The following MAST4 variants were observed in gnomAD, a reference collection of about 807,000 sequenced individuals.
MAST4 encodes microtubule-associated serine/threonine-protein kinase 4.
MAST4 carries 89 observed loss-of-function variants against 162.7 expected under a neutral mutation model. The observed-to-expected ratio is 0.55, with a 90% CI of 0.46 to 0.65. The LOEUF (loss-of-function observed/expected upper bound fraction) is 0.65. Ranked by LOEUF, MAST4 falls within the 30% of genes least tolerant of loss-of-function variation. The probability of loss-of-function intolerance (pLI) is 0.00; values close to 1 mark genes in which losing one functional copy is unlikely to be tolerated. For missense variants in MAST4, 3,153 were observed against 3,374.0 expected (o/e 0.93, Z 1.62); for synonymous variants, 1,479 against 1,361.1 (o/e 1.09, Z -1.91).
chr5:66,648,073 TGTGTGTGTGTGAGAGA>T (rs1170419730), intron 1 of MAST4, among the ~76,000 whole-genome samples: 14 of 94,850 alleles, frequency 1.5e-4, no homozygotes, highest in South Asian at 7.9e-4. Context: ...TGTGTGTGTG[TGTGTGTGTGTGAGAGA>T]GAGAGAGAGA....
intron 1 of MAST4, among the ~76,000 whole-genome samples, chr5:66,688,439 C>T (rs1372235965): frequency 6.6e-6 from 1 of 152,138 alleles, no homozygotes; most frequent in South Asian, 2.1e-4. Context: ...ATGAACTGAG[C>T]CTTATTAGGC....
chr5:66,928,011 G>C (rs368867244), intron 4 of MAST4, among the ~76,000 whole-genome samples: 4 of 152,212 alleles, frequency 2.6e-5, no homozygotes, highest in African/African-American at 9.6e-5. Context: ...CTATCCCTGT[G>C]TCAAAATTCC....
intron 1 of MAST4, among the ~76,000 whole-genome samples, chr5:66,650,359 G>T (rs1392714797): frequency 6.6e-6 from 1 of 152,048 alleles, no homozygotes; most frequent in African/African-American, 2.4e-5. Context: ...TGGAAGAAAA[G>T]ATACAGCCTG....
intron 4 of MAST4, among the ~76,000 whole-genome samples, chr5:66,993,480 G>C (rs1000227033): frequency 6.6e-6 from 1 of 152,180 alleles, no homozygotes; most frequent in African/African-American, 2.4e-5. Flanking sequence ...TAAAAAAGAG[G>C]CATGCATATG....
At chr5:66,886,641 C>G (rs1762057421) in intron 3 of MAST4, among the ~76,000 whole-genome samples, 3 of 150,364 alleles carry the variant, frequency 2.0e-5, no homozygotes, top group Middle Eastern at 3.4e-3. Context: ...TGTAAAAACA[C>G]ATACTTCCTG....
intron 12 of MAST4, among the ~76,000 whole-genome samples, chr5:67,117,369 A>G (rs1433997219): frequency 6.6e-6 from 1 of 152,218 alleles, no homozygotes; most frequent in Non-Finnish European, 1.5e-5. Context: ...TCGTTATTCC[A>G]GAATCTAGAA....
intron 2 of MAST4, among the ~76,000 whole-genome samples, chr5:66,771,169 ATTTCTTTCT>A (rs995932026): frequency 1.3e-5 from 2 of 151,262 alleles, no homozygotes; most frequent in African/African-American, 2.4e-5. Flanking sequence ...GTGTAAATAT[ATTTCTTTCT>A]TTTCTTTCTT....
chr5:66,783,631 G>A (rs1667476517), intron 2 of MAST4, among the ~76,000 whole-genome samples: 1 of 152,034 alleles, frequency 6.6e-6, no homozygotes. Flanking sequence ...AGGAATTGAG[G>A]GCACACCTTT....
intron 3 of MAST4, among the ~76,000 whole-genome samples, chr5:66,833,520 A>G (rs138213153): frequency 1.3e-5 from 2 of 152,204 alleles, no homozygotes; most frequent in South Asian, 4.1e-4. Flanking sequence ...GTTTAGCCAC[A>G]GTCTTGCTTT....
intron 4 of MAST4, chr5:67,002,101 C>T (rs1751364145): frequency 6.6e-6 from 1 of 151,922 alleles, no homozygotes; most frequent in African/African-American, 2.4e-5. Context: ...GAGGAGGGGA[C>T]ATGGGACTCA....
At chr5:66,742,169 G>A (rs1247337007) in intron 1 of MAST4, among the ~76,000 whole-genome samples, 1 of 152,172 alleles carries the variant, frequency 6.6e-6, no homozygotes, top group Non-Finnish European at 1.5e-5. Flanking sequence ...TGGGAAAATA[G>A]ACACTTGGAG....
At chr5:66,802,081 CTT>C (rs1448569615) in intron 3 of MAST4, among the ~76,000 whole-genome samples, 3 of 152,128 alleles carry the variant, frequency 2.0e-5, no homozygotes, top group Non-Finnish European at 4.4e-5. Flanking sequence ...AATAAGCCCT[CTT>C]ATCGCAATTA....
intron 4 of MAST4, among the ~76,000 whole-genome samples, chr5:67,054,070 T>A (rs1413336883): frequency 6.6e-6 from 1 of 152,266 alleles, no homozygotes; most frequent in Non-Finnish European, 1.5e-5. Flanking sequence ...TCAACAAAGA[T>A]GCTACCTGTG....
At chr5:67,029,716 C>T (rs1581255273) in intron 4 of MAST4, among the ~76,000 whole-genome samples, 1 of 152,038 alleles carries the variant, frequency 6.6e-6, no homozygotes, top group South Asian at 2.1e-4. Context: ...AGCATGATTT[C>T]TGTGTCCATG....
chr5:66,693,060 G>T lies in MAST4; in HGVS notation c.364-66649G>T, dbSNP rs78661466. Among the ~76,000 whole-genome samples the T allele has an allele frequency of 2.3e-3, 352 of 150,274 alleles. 1 individual carries two copies. The highest frequency in any genetic ancestry group is 8.4e-3 in the African/African-American group (343 of 40,770). On this transcript the variant is annotated intron_variant, in intron 1 of 28. Transcript: ENST00000403625. The stretch of plus-strand genomic sequence containing the variant: ...AATGAATATCCACAATAGTACAAAG[G>T]TTACAAAATTTTACAAGATAGTTTT...
At chr5:66,844,544 A>T (rs547320379) in intron 3 of MAST4, among the ~76,000 whole-genome samples, 36 of 152,100 alleles carry the variant, frequency 2.4e-4, no homozygotes, top group Admixed American at 1.8e-3. Flanking sequence ...CACCCAACGG[A>T]TATTTGTTGT....
At chr5:66,962,511 C>G (rs1415683332) in intron 4 of MAST4, among the ~76,000 whole-genome samples, 1 of 152,164 alleles carries the variant, frequency 6.6e-6, no homozygotes, top group African/African-American at 2.4e-5. Context: ...AGTTTGAGAT[C>G]AGGCTGAGCA....
chr5:67,063,370 C>T (rs1239720061), intron 5 of MAST4, among the ~76,000 whole-genome samples: 1 of 152,156 alleles, frequency 6.6e-6, no homozygotes, highest in Non-Finnish European at 1.5e-5. Context: ...TTCCTTTATG[C>T]AGATCCATCT....
chr5:67,131,726 A>G (rs545201932), intron 15 of MAST4, 87 bp from the exon 16 acceptor site: 4 of 1,373,906 alleles, frequency 2.9e-6, no homozygotes, highest in Admixed American at 1.9e-5. Flanking sequence ...GGTAGAGATG[A>G]TTTCACCTTG....
Sources: allele counts gnomAD v4.1 joint callset (sites outside exome capture counted in the v4.1 genomes callset), GRCh38; gene constraint gnomAD v4.1.1; transcripts MANE v1.5; gene names NCBI Gene and HGNC (gene_info 2026-07-23, HGNC 2026-07-21).